RGPD3: variants seen among roughly 807,000 people sequenced by gnomAD.
RGPD3 encodes ranBP2-like and GRIP domain-containing protein 3.
In RGPD3, 62 loss-of-function variants were observed where a neutral mutation model predicts 154.5. That is an observed-to-expected ratio of 0.40 (90% CI 0.33 to 0.50). The LOEUF (loss-of-function observed/expected upper bound fraction) is 0.50, where lower values mean the gene tolerates loss of function less well. RGPD3 is among the 20% of genes least tolerant of loss of function. RGPD3 has a pLI of 0.59. For synonymous variants in RGPD3, 308 were observed against 607.0 expected (o/e 0.51, Z 7.24); for missense variants, 919 against 1,716.8 (o/e 0.54, Z 8.21).
chr2:106,421,701 G>C (rs1471806146), intron 20 of RGPD3, among the ~76,000 whole-genome samples: 2 of 151,974 alleles, frequency 1.3e-5, no homozygotes, highest in African/African-American at 2.4e-5. Flanking sequence ...TCTAAACCAT[G>C]CACAAAAGAA....
chr2:106,405,065 T>G lies in RGPD3; in HGVS notation c.*154A>C. 1 of 803,594 alleles carries G rather than the reference T, an allele frequency of 1.2e-6. No individual in the cohort carries two copies. The highest frequency in any genetic ancestry group is 2.0e-6 in the Non-Finnish European group (1 of 500,696). The allele number at this position is 803,594 out of a possible 1,614,324, so 49.8% of individuals were successfully genotyped here. A position where few individuals can be genotyped will look rare whatever the true frequency, so the allele number is the denominator to read the frequency against. On this transcript the variant is annotated 3_prime_UTR_variant, in exon 23 of 23. Coordinates refer to ENST00000409886, the MANE Select transcript of RGPD3 (RefSeq NM_001144013.2). The stretch of plus-strand genomic sequence containing the variant: ...ACAAATATATGTAAATGCAAACATA[T>G]ACACACTTTTTGACAAAAGAATGAT...
Position 106,468,268 on chromosome 2 carries a change from G to C in RGPD3, c.21C>G (p.Tyr7Ter), listed in dbSNP as rs373124653. 3 of 1,607,356 alleles carry C rather than the reference G, an allele frequency of 1.9e-6. No individual in the cohort carries two copies. Among genetic ancestry groups the C allele is most frequent in the Non-Finnish European group, 1.7e-6 (2 of 1,178,058 alleles). Residue 7 changes from tyrosine to a stop codon, truncating the protein, a stop_gained, in exon 1 of 23, where the codon TAC becomes TAG. Transcript: ENST00000409886. LOFTEE classifies it high-confidence loss of function. The stretch of plus-strand genomic sequence containing the variant: ...GCACCGAGGCGACGTACCGCTCCCC[G>C]TAGGCCTTGCTGCAACTCATCGCGC... MSCSKA[Y>*]GERYVASVQG...
chr2:106,417,318 C>T (rs1311386030), intron 20 of RGPD3, among the ~76,000 whole-genome samples: 23 of 131,728 alleles, frequency 1.7e-4, no homozygotes, highest in African/African-American at 5.9e-4. Context: ...ATCCAATTAG[C>T]TCTGTCCCTC....
chr2:106,451,233 A>G (rs1030966166), intron 6 of RGPD3, among the ~76,000 whole-genome samples: 8 of 151,990 alleles, frequency 5.3e-5, no homozygotes, highest in Admixed American at 4.6e-4. Context: ...AAAACATCCT[A>G]CATGTTTTCT....
chr2:106,428,618 T>C (rs1014825882), intron 18 of RGPD3, among the ~76,000 whole-genome samples: 13 of 151,864 alleles, frequency 8.6e-5, no homozygotes, highest in African/African-American at 3.1e-4. Context: ...GCCTTAACTA[T>C]ATGAACCATC....
intron 6 of RGPD3, among the ~76,000 whole-genome samples, chr2:106,449,193 G>A (rs535052699): frequency 1.3e-4 from 19 of 151,230 alleles, no homozygotes; most frequent in African/African-American, 2.4e-4. Context: ...GGCCCTGTGC[G>A]GTGGCTCACA....
At chr2:106,446,862 CAG>C (rs1238589839) in intron 7 of RGPD3, among the ~76,000 whole-genome samples, 1 of 151,318 alleles carries the variant, frequency 6.6e-6, no homozygotes, top group Admixed American at 6.6e-5. Flanking sequence ...AGCCTGGCGA[CAG>C]AGAGAGACTT....
chr2:106,421,832 C>T (rs915098410), intron 20 of RGPD3, among the ~76,000 whole-genome samples: 2 of 150,744 alleles, frequency 1.3e-5, no homozygotes, highest in Non-Finnish European at 2.9e-5. Flanking sequence ...ATTGAGCAGA[C>T]CTGAAATAGC....
At chr2:106,444,612 G>T (rs1333837731) in intron 7 of RGPD3, among the ~76,000 whole-genome samples, 32 of 122,704 alleles carry the variant, frequency 2.6e-4, no homozygotes, top group African/African-American at 9.2e-4. Context: ...CTTGAAGCCA[G>T]GAGTTCAAGA....
intron 1 of RGPD3, among the ~76,000 whole-genome samples, chr2:106,462,075 G>T (rs921776641): frequency 6.6e-6 from 1 of 152,034 alleles, no homozygotes; most frequent in Non-Finnish European, 1.5e-5. Context: ...GTAGAGATGG[G>T]GTTTCACCAT....
chr2:106,412,318 T>TG (rs1558833065), intron 22 of RGPD3, among the ~76,000 whole-genome samples: 5 of 109,426 alleles, frequency 4.6e-5, no homozygotes, highest in Admixed American at 1.1e-4. Flanking sequence ...TTTTTTTTTT[T>TG]TTTTTTTTTT....
intron 18 of RGPD3, among the ~76,000 whole-genome samples, chr2:106,428,683 AAGAG>A (rs200988503): frequency 6.6e-6 from 1 of 151,864 alleles, no homozygotes; most frequent in Non-Finnish European, 1.5e-5. Context: ...CTGGGCTAAA[AAGAG>A]AGAGAGAGAA....
intron 7 of RGPD3, among the ~76,000 whole-genome samples, chr2:106,441,779 G>A (rs1192556225): frequency 7.0e-6 from 1 of 142,578 alleles, no homozygotes; most frequent in Admixed American, 7.4e-5. Flanking sequence ...CACAAGGATA[G>A]CTTGAACCTG....
In RGPD3 at chr2:106,468,319, G is replaced by A. The variant is rs747456177; in HGVS notation, c.-31C>T. Reference sequence around the variant, plus strand: ...CACCAACCTGGCTCCCGAGATGCGTGAGACCAGCGCTCAGCCCCGCAGCAG... The same window carrying A: ...CACCAACCTGGCTCCCGAGATGCGTAAGACCAGCGCTCAGCCCCGCAGCAG... On this transcript the variant is annotated 5_prime_UTR_variant, in exon 1 of 23. Transcript: ENST00000409886. The A allele has an allele frequency of 5.7e-6, 9 of 1,589,348 alleles. No individual in the cohort carries two copies. The highest frequency in any genetic ancestry group is 2.3e-5 in the East Asian group (1 of 43,784).
intron 15 of RGPD3, among the ~76,000 whole-genome samples, 192 bp downstream of exon 15, chr2:106,434,036 A>C (rs995171729): frequency 6.4e-5 from 9 of 140,076 alleles, no homozygotes; most frequent in Non-Finnish European, 1.1e-4. Flanking sequence ...CTAGATTCCC[A>C]AGTTTAAAAA....
At chr2:106,435,842 C>T (rs1304701798) in intron 12 of RGPD3, among the ~76,000 whole-genome samples, 2 of 152,184 alleles carry the variant, frequency 1.3e-5, no homozygotes, top group African/African-American at 4.8e-5. Context: ...AAGCCTTGTG[C>T]TAATTTTTTT....
chr2:106,467,971 G>A (rs1310430958), intron 1 of RGPD3, among the ~76,000 whole-genome samples: 4 of 140,146 alleles, frequency 2.9e-5, no homozygotes, highest in African/African-American at 1.1e-4. Context: ...CGAGGCCGCC[G>A]CAGGGCCAGG....
intron 21 of RGPD3, among the ~76,000 whole-genome samples, chr2:106,414,940 A>G (rs1676779578): frequency 6.6e-6 from 1 of 152,158 alleles, no homozygotes; most frequent in Non-Finnish European, 1.5e-5. Flanking sequence ...ACCATTTACC[A>G]GCTTCAATTT....
intron 1 of RGPD3, among the ~76,000 whole-genome samples, chr2:106,467,089 C>T (rs1199371177): frequency 9.0e-6 from 1 of 111,534 alleles, no homozygotes; most frequent in East Asian, 7.9e-4. Context: ...CCATCGAGGC[C>T]GCCGCAGGGC....
Sources: allele counts gnomAD v4.1 joint callset (sites outside exome capture counted in the v4.1 genomes callset), GRCh38; gene constraint gnomAD v4.1.1; transcripts MANE v1.5; gene names NCBI Gene and HGNC (gene_info 2026-07-23, HGNC 2026-07-21).